Variants in LINGO1 observed in about 807,000 individuals in gnomAD.
LINGO1 encodes leucine-rich repeat and immunoglobulin-like domain-containing nogo receptor-interacting protein 1.
LINGO1 carries 11 observed loss-of-function variants against 37.3 expected under a neutral mutation model. The observed-to-expected ratio is 0.29, with a 90% CI of 0.19 to 0.49. The LOEUF is 0.49. Ranked by LOEUF, LINGO1 falls within the 20% of genes least tolerant of loss-of-function variation. LINGO1 has a pLI of 0.99. For synonymous variants in LINGO1, 387 were observed against 403.0 expected (o/e 0.96, Z 0.48); for missense variants, 585 against 878.2 (o/e 0.67, Z 4.22).
chr15:77,722,440 T>C (rs2076060440), intron 2 of LINGO1, among the ~76,000 whole-genome samples: 1 of 152,216 alleles, frequency 6.6e-6, no homozygotes, highest in Non-Finnish European at 1.5e-5. Flanking sequence ...AGCACTGGCT[T>C]TAGAGTCAAG....
At chr15:77,819,615 C>T (rs1370951166) in intron 1 of LINGO1, 2 of 151,568 alleles carry the variant, frequency 1.3e-5, no homozygotes, top group East Asian at 3.9e-4. Context: ...CCCGGCTCCG[C>T]ACTCCCGACT....
chr15:77,712,652 C>A (rs2075932922), intron 2 of LINGO1, among the ~76,000 whole-genome samples: 1 of 152,208 alleles, frequency 6.6e-6, no homozygotes, highest in African/African-American at 2.4e-5. Flanking sequence ...CTCCACTCTC[C>A]TCCTGCCTCC....
In LINGO1 at chr15:77,656,200, C is replaced by T. The variant is rs543411416; in HGVS notation, c.-13+20889G>A. On this transcript the variant is annotated intron_variant, in intron 3 of 3. Transcript: ENST00000559893. ...AGAGGTTTACCCAAGGCCTGGACAA[C>T]GAATCAGAGAGAACTCCAGACCCCA... Among the ~76,000 whole-genome samples, 12 of 152,260 alleles carry T rather than the reference C, an allele frequency of 7.9e-5. No individual in the cohort carries two copies. The South Asian group carries it at 8.3e-4, about 11-fold the overall frequency.
At chr15:77,705,593 G>T (rs919449333) in intron 2 of LINGO1, among the ~76,000 whole-genome samples, 2 of 152,244 alleles carry the variant, frequency 1.3e-5, no homozygotes, top group East Asian at 1.9e-4. Flanking sequence ...CCAAGAAGGT[G>T]AGGTGGCAGG....
intron 2 of LINGO1, among the ~76,000 whole-genome samples, chr15:77,723,111 A>G (rs1473776754): frequency 6.6e-6 from 1 of 152,024 alleles, no homozygotes; most frequent in African/African-American, 2.4e-5. Flanking sequence ...TAAAATGGGG[A>G]TGGTAACAAC....
intron 1 of LINGO1, among the ~76,000 whole-genome samples, chr15:77,778,715 A>G (rs2076685938): frequency 6.6e-6 from 1 of 152,192 alleles, no homozygotes; most frequent in Admixed American, 6.5e-5. Flanking sequence ...AGACCAAGCC[A>G]CCATCTCCCT....
intron 1 of LINGO1, among the ~76,000 whole-genome samples, chr15:77,739,427 G>A (rs547274784): frequency 5.9e-5 from 9 of 152,236 alleles, no homozygotes; most frequent in African/African-American, 1.7e-4. Flanking sequence ...GGGGCCTCAG[G>A]GGCTGCTTCC....
chr15:77,657,966 C>T (rs985574829), intron 3 of LINGO1, among the ~76,000 whole-genome samples: 6 of 152,190 alleles, frequency 3.9e-5, no homozygotes, highest in African/African-American at 1.4e-4. Context: ...TGCCAGTCCC[C>T]GTCTCTGCCG....
At chr15:77,671,246 G>A (rs2075242853) in intron 3 of LINGO1, among the ~76,000 whole-genome samples, 1 of 152,188 alleles carries the variant, frequency 6.6e-6, no homozygotes. Context: ...CCAGCAACTA[G>A]GTGCAAGGCC....
At chr15:77,773,805 G>A (rs1256507927) in intron 1 of LINGO1, among the ~76,000 whole-genome samples, 1 of 151,992 alleles carries the variant, frequency 6.6e-6, no homozygotes, top group Admixed American at 6.5e-5. Context: ...CCCTCAGCCT[G>A]GGGACCTTCC....
intron 1 of LINGO1, chr15:77,695,848 A>T (rs1436382933): frequency 6.6e-6 from 1 of 151,770 alleles, no homozygotes; most frequent in Non-Finnish European, 1.5e-5. Context: ...TTTAAGCAAC[A>T]GCCTTTCCAC....
rs796270022 is a variant in LINGO1 at position 77,664,174 on chromosome 15, C to T, written c.-13+12915G>A. ...GTGTGTGTGTGTGTGTGTGTGTGCG[C>T]GCGCGCATGCGTTTGCATTCTCAGC... On this transcript the variant is annotated intron_variant, in intron 3 of 3. Coordinates refer to the LINGO1 transcript ENST00000559893. 5.1e-3 allele frequency among the ~76,000 whole-genome samples: 515 copies of T among 100,376 alleles called. 8 individuals carry two copies. Among genetic ancestry groups the T allele is most frequent in the African/African-American group, 0.018 (479 of 27,216 alleles). 65.9% of individuals were successfully genotyped at this position (100,376 alleles called of 152,430 possible). A position where few individuals can be genotyped will look rare whatever the true frequency, so the allele number is the denominator to read the frequency against.
In LINGO1 at chr15:77,798,628, C is replaced by T. The variant is rs866552450; in HGVS notation, c.-457-2575G>A. On this transcript the variant is annotated intron_variant, in intron 1 of 5. Transcript: ENST00000562933. ...TGGGAGCCGGGCACTCTCCTGGACA[C>T]GAGGTCTGCCAGTGTGCCAGGTCCC... is the stretch of plus-strand genomic sequence containing the variant. Among the ~76,000 whole-genome samples, 19 of 152,312 alleles carry T rather than the reference C, an allele frequency of 1.2e-4. No homozygotes were observed. In the East Asian group the frequency reaches 1.9e-3, roughly 15 times the overall value.
chr15:77,663,019 G>A (rs138650927), intron 3 of LINGO1, among the ~76,000 whole-genome samples: 25 of 152,314 alleles, frequency 1.6e-4, no homozygotes, highest in African/African-American at 5.8e-4. Flanking sequence ...GGGATGCCGG[G>A]GGTCACCCCC....
In LINGO1 at chr15:77,679,641, G is replaced by A. The variant is rs114325148; in HGVS notation, c.-98-2467C>T. 9.9e-3 allele frequency among the ~76,000 whole-genome samples: 1,505 copies of A among 152,272 alleles called. 31 individuals carry two copies. Among genetic ancestry groups the A allele is most frequent in the African/African-American group, 0.035 (1,449 of 41,542 alleles). On this transcript the variant is annotated intron_variant, in intron 2 of 3. Transcript: ENST00000559893. ...AGCCCAAGGTCACACAGTTAATAAG[G>A]GGCTGAGCCAGTCCTTGATCCCAGG...
At chr15:77,750,150 C>T (rs1403835826) in intron 1 of LINGO1, among the ~76,000 whole-genome samples, 1 of 152,138 alleles carries the variant, frequency 6.6e-6, no homozygotes, top group African/African-American at 2.4e-5. Flanking sequence ...CCCGAGACAG[C>T]CTTGCCAATG....
chr15:77,623,040 C>T (rs1202060380), intron 1 of LINGO1, among the ~76,000 whole-genome samples: 2 of 152,222 alleles, frequency 1.3e-5, no homozygotes, highest in Non-Finnish European at 2.9e-5. Context: ...TACAGCTCCA[C>T]ACTCCCAGGC....
chr15:77,619,418 T>C (rs2073848729), intron 1 of LINGO1, among the ~76,000 whole-genome samples: 2 of 152,088 alleles, frequency 1.3e-5, no homozygotes, highest in East Asian at 1.9e-4. Context: ...ATCCCACTGT[T>C]ATCCCATTGT....
intron 2 of LINGO1, among the ~76,000 whole-genome samples, chr15:77,794,131 C>A (rs1345983685): frequency 1.3e-5 from 2 of 152,082 alleles, no homozygotes; most frequent in Non-Finnish European, 2.9e-5. Flanking sequence ...CACGCTCCTG[C>A]CCCCTGCCCT....
Sources: gnomAD v4.1 joint callset for allele counts (sites outside exome capture counted in the v4.1 genomes callset) on GRCh38, gnomAD v4.1.1 for gene constraint, MANE v1.5 for transcripts, NCBI Gene and HGNC (gene_info 2026-07-23, HGNC 2026-07-21) for gene names.